Variants in PCDH9 observed in about 807,000 individuals in gnomAD.
The protein encoded by PCDH9 is protocadherin 9, also known as protocadherin-9.
In PCDH9, 24 loss-of-function variants were observed where a neutral mutation model predicts 70.6. That is an observed-to-expected ratio of 0.34 (90% CI 0.25 to 0.48). The LOEUF is 0.48. PCDH9 is among the 20% of genes least tolerant of loss of function. PCDH9 has a pLI of 0.99. For synonymous variants in PCDH9, 562 were observed against 558.5 expected (o/e 1.01, Z -0.09); for missense variants, 1,281 against 1,503.6 (o/e 0.85, Z 2.45).
chr13:66,497,442 A>T (rs954530899), intron 4 of PCDH9, among the ~76,000 whole-genome samples: 15 of 152,168 alleles, frequency 9.9e-5, no homozygotes, highest in African/African-American at 3.6e-4. Flanking sequence ...CATTTTGCGA[A>T]ATCCTACTTA....
chr13:66,738,744 A>G (rs988233742), intron 3 of PCDH9, among the ~76,000 whole-genome samples: 4 of 151,902 alleles, frequency 2.6e-5, no homozygotes, highest in East Asian at 1.9e-4. Flanking sequence ...GGGTATCAGC[A>G]ATGGAAGACG....
intron 4 of PCDH9, among the ~76,000 whole-genome samples, chr13:66,444,453 A>G (rs997412462): frequency 1.3e-5 from 2 of 152,144 alleles, no homozygotes; most frequent in Non-Finnish European, 2.9e-5. Flanking sequence ...GAAAGCTTCC[A>G]TGAGGACAAA....
intron 4 of PCDH9, among the ~76,000 whole-genome samples, chr13:66,590,062 G>C (rs2077018935): frequency 6.6e-6 from 1 of 152,004 alleles, no homozygotes; most frequent in Admixed American, 6.6e-5. Flanking sequence ...TAAAAGCAGA[G>C]TGTTATGGAT....
intron 2 of PCDH9, among the ~76,000 whole-genome samples, chr13:67,155,041 T>A (rs9317644): frequency 0.17 from 25,249 of 152,130 alleles, 2,379 homozygotes; most frequent in Non-Finnish European, 0.2. Flanking sequence ...CTTACTGTGT[T>A]TCTTTTGTCA....
At position 66,894,630 on chromosome 13, in the gene PCDH9, C is replaced by T. The variant is rs562137330; in HGVS notation, c.3138+8874G>A. On this transcript the variant is annotated intron_variant, in intron 3 of 4. Coordinates refer to ENST00000377865, the MANE Select transcript of PCDH9 (RefSeq NM_203487.3). ...GAAACACCAAACAATATCTCACAGC[C>T]TCTGATGTTATTATTACATGTGACC... 3.3e-5 allele frequency among the ~76,000 whole-genome samples: 5 copies of T among 152,122 alleles called. No homozygotes were observed. The East Asian group carries it at 9.7e-4, about 29-fold the overall frequency.
At chr13:66,760,050 G>C (rs2079599825) in intron 3 of PCDH9, among the ~76,000 whole-genome samples, 2 of 151,992 alleles carry the variant, frequency 1.3e-5, no homozygotes. Flanking sequence ...AACTTCCTAA[G>C]CTTTTGTTTT....
chr13:67,220,934 C>G (rs759447793), intron 2 of PCDH9: 1 of 151,954 alleles, frequency 6.6e-6, no homozygotes. Context: ...GGAAAGATAG[C>G]CAGTTTGAAT....
chr13:66,645,127 T>C (rs1032983662), intron 3 of PCDH9, among the ~76,000 whole-genome samples: 1 of 152,124 alleles, frequency 6.6e-6, no homozygotes, highest in African/African-American at 2.4e-5. Flanking sequence ...TTCATAAATA[T>C]GAAAATCTAG....
chr13:66,714,045 T>C lies in PCDH9; in HGVS notation c.3139-82634A>G, dbSNP rs151228011. On this transcript the variant is annotated intron_variant, in intron 3 of 4. Coordinates refer to ENST00000377865, the MANE Select transcript of PCDH9 (RefSeq NM_203487.3). ...TATTCTTAATGTAATACAATTAATA[T>C]ACTTTTGAAGGCTATTGCAGGATAC... 7.6e-3 allele frequency among the ~76,000 whole-genome samples: 1,156 copies of C among 152,320 alleles called. 15 individuals are homozygous for C. Among genetic ancestry groups the C allele is most frequent in the African/African-American group, 0.026 (1,092 of 41,572 alleles).
At chr13:66,560,755 T>G (rs1961974438) in intron 4 of PCDH9, among the ~76,000 whole-genome samples, 1 of 152,214 alleles carries the variant, frequency 6.6e-6, no homozygotes, top group South Asian at 2.1e-4. Flanking sequence ...TTAAAATACC[T>G]CTTTGATTTC....
In PCDH9 at chr13:66,633,676, T is replaced by A. The variant is rs143304786; in HGVS notation, c.3139-2265A>T. ...CTCTGGTGAGTAAAAAGAAGTCAAG[T>A]CTTAAGAGAAAAGCAATGAAACAAA... On this transcript the variant is annotated intron_variant, in intron 3 of 4. Transcript: ENST00000377865. Among the ~76,000 whole-genome samples the A allele has an allele frequency of 4.2e-3, 638 of 152,234 alleles. 20 individuals are homozygous for A. In the East Asian group the frequency reaches 0.081, roughly 19 times the overall value.
intron 2 of PCDH9, chr13:67,221,237 T>TA (rs1404054424): frequency 6.6e-6 from 1 of 152,094 alleles, no homozygotes; most frequent in Non-Finnish European, 1.5e-5. Flanking sequence ...CACTTTCAAT[T>TA]GCATTTTTTC....
chr13:67,068,819 T>C (rs1165406878), intron 2 of PCDH9, among the ~76,000 whole-genome samples: 1 of 152,200 alleles, frequency 6.6e-6, no homozygotes, highest in Non-Finnish European at 1.5e-5. Flanking sequence ...CTTTGAATCC[T>C]AAAATTATCC....
intron 3 of PCDH9, among the ~76,000 whole-genome samples, chr13:66,738,717 A>T (rs4053709): frequency 0.055 from 8,215 of 150,324 alleles, 717 homozygotes; most frequent in African/African-American, 0.19. Flanking sequence ...GGAGCCGATG[A>T]GATCAACTGG....
At chr13:66,423,611 T>C (rs1264151281) in intron 4 of PCDH9, among the ~76,000 whole-genome samples, 1 of 152,132 alleles carries the variant, frequency 6.6e-6, no homozygotes, top group Non-Finnish European at 1.5e-5. Context: ...GAAAAGGCCA[T>C]TGATAAAATT....
At chr13:67,208,029 C>T (rs994127828) in intron 2 of PCDH9, 3 of 152,252 alleles carry the variant, frequency 2.0e-5, no homozygotes, top group South Asian at 4.1e-4. Flanking sequence ...GTAACACCAT[C>T]TCTTTGTACT....
At chr13:67,034,645 T>C (rs2084974259) in intron 2 of PCDH9, among the ~76,000 whole-genome samples, 1 of 151,734 alleles carries the variant, frequency 6.6e-6, no homozygotes, top group African/African-American at 2.4e-5. Context: ...TCTATGCTTT[T>C]ATGCTAGAAA....
At chr13:66,528,115 T>C (rs1960292286) in intron 4 of PCDH9, among the ~76,000 whole-genome samples, 1 of 152,194 alleles carries the variant, frequency 6.6e-6, no homozygotes, top group Non-Finnish European at 1.5e-5. Flanking sequence ...TAAATAGCTT[T>C]TTCTTTTCTG....
At chr13:66,817,303 G>A (rs1379218139) in intron 3 of PCDH9, among the ~76,000 whole-genome samples, 6 of 152,032 alleles carry the variant, frequency 3.9e-5, no homozygotes, top group African/African-American at 1.4e-4. Flanking sequence ...AGAAAGCAGT[G>A]TGCAGAAGAC....
Sources: gnomAD v4.1 joint callset for allele counts (sites outside exome capture counted in the v4.1 genomes callset) on GRCh38, gnomAD v4.1.1 for gene constraint, MANE v1.5 for transcripts, NCBI Gene and HGNC (gene_info 2026-07-23, HGNC 2026-07-21) for gene names.